Variants in GPHN observed in about 807,000 individuals in gnomAD.
The protein encoded by GPHN is gephyrin.
GPHN carries 17 observed loss-of-function variants against 95.5 expected under a neutral mutation model. The observed-to-expected ratio is 0.18, with a 90% confidence interval of 0.12 to 0.27. The LOEUF (loss-of-function observed/expected upper bound fraction) is 0.27, where lower values mean the gene tolerates loss of function less well. Ranked by LOEUF, GPHN falls within the 10% of genes least tolerant of loss-of-function variation. GPHN has a pLI of 1.00. For missense variants in GPHN, 660 were observed against 978.1 expected (o/e 0.67, Z 4.34); for synonymous variants, 320 against 322.5 (o/e 0.99, Z 0.08).
the GPHN span, among the ~76,000 whole-genome samples, chr14:67,645,144 G>A: frequency 1.7e-4 from 25 of 151,410 alleles, no homozygotes; most frequent in African/African-American, 5.1e-4. Flanking sequence ...TTGGTGAGTC[G>A]TTACCTATAG....
chr14:67,719,777 C>A, the GPHN span, among the ~76,000 whole-genome samples: 1 of 152,170 alleles, frequency 6.6e-6, no homozygotes, highest in Non-Finnish European at 1.5e-5. Flanking sequence ...AGTGCCCAAC[C>A]AAAATTTAAT....
chr14:67,318,784 G>A, the GPHN span, among the ~76,000 whole-genome samples: 1 of 152,148 alleles, frequency 6.6e-6, no homozygotes, highest in Non-Finnish European at 1.5e-5. Flanking sequence ...TAGGCCGGGC[G>A]CGGTGGGTCA....
chr14:67,370,105 C>T, the GPHN span, among the ~76,000 whole-genome samples: 7 of 152,402 alleles, frequency 4.6e-5, no homozygotes, highest in South Asian at 1.4e-3. Flanking sequence ...GGAACACGTC[C>T]TTAAGACACA....
intron 5 of GPHN, among the ~76,000 whole-genome samples, chr14:66,897,476 C>A (rs1413945211): frequency 1.3e-5 from 2 of 152,048 alleles, no homozygotes; most frequent in East Asian, 3.9e-4. Flanking sequence ...TATTGCCACA[C>A]CACCTCTCTG....
At chr14:67,651,024 A>T in the GPHN span, 3 of 1,195,128 alleles carry the variant, frequency 2.5e-6, no homozygotes, top group Admixed American at 2.0e-5. Context: ...TACTGCCTTA[A>T]TGAGAACATT....
chr14:67,652,376 A>G, the GPHN span: 6,466 of 174,358 alleles, frequency 0.037, 393 homozygotes, highest in African/African-American at 0.13. Context: ...AGTCAATCCC[A>G]TTTCTTGGGA....
intron 9 of GPHN, among the ~76,000 whole-genome samples, chr14:66,996,605 G>A (rs1222525141): frequency 1.3e-5 from 2 of 152,128 alleles, no homozygotes; most frequent in East Asian, 3.9e-4. Flanking sequence ...TCTGATAGCT[G>A]AAGATTTGTA....
At chr14:67,690,300 G>A in the GPHN span, 33 of 1,613,970 alleles carry the variant, frequency 2.0e-5, no homozygotes, top group East Asian at 3.3e-4. Context: ...AGAATTTCTC[G>A]CCCTGCAGGT....
At chr14:67,581,860 C>T in the GPHN span, 2 of 546,772 alleles carry the variant, frequency 3.7e-6, no homozygotes, top group Non-Finnish European at 3.3e-6. Context: ...ATGAACCATG[C>T]CCTCCTGTTG....
intron 3 of GPHN, among the ~76,000 whole-genome samples, chr14:66,808,424 T>A (rs2060634211): frequency 6.6e-6 from 1 of 152,236 alleles, no homozygotes; most frequent in Admixed American, 6.5e-5. Flanking sequence ...AAATATTTGT[T>A]AAGTGAATGA....
the GPHN span, among the ~76,000 whole-genome samples, chr14:67,224,259 C>CTTTTT: frequency 7.4e-6 from 1 of 134,798 alleles, no homozygotes; most frequent in African/African-American, 2.8e-5. Flanking sequence ...TCTCTCTTTT[C>CTTTTT]TTTTTTTTTT....
intron 18 of GPHN, among the ~76,000 whole-genome samples, chr14:67,151,798 C>T (rs2153711226): frequency 6.6e-6 from 1 of 152,284 alleles, no homozygotes; most frequent in South Asian, 2.1e-4. Context: ...CGCATGCCAT[C>T]ATGCCTGGCT....
intron 10 of GPHN, among the ~76,000 whole-genome samples, chr14:67,044,511 T>A (rs1469753420): frequency 6.6e-6 from 1 of 152,132 alleles, no homozygotes; most frequent in Non-Finnish European, 1.5e-5. Flanking sequence ...CCCCAGGACA[T>A]GTTAGCTGGT....
At chr14:66,916,605 T>A (rs1474549622) in intron 6 of GPHN, among the ~76,000 whole-genome samples, 3 of 151,442 alleles carry the variant, frequency 2.0e-5, no homozygotes, top group Admixed American at 6.6e-5. Flanking sequence ...ATTGATAGCA[T>A]TAGTCTCCAG....
intron 4 of GPHN, among the ~76,000 whole-genome samples, chr14:66,842,362 C>T (rs1032816394): frequency 6.6e-6 from 1 of 152,102 alleles, no homozygotes; most frequent in South Asian, 2.1e-4. Context: ...GAAACCCGAC[C>T]TACACAGGAA....
chr14:66,589,327 A>G (rs1340583849), intron 1 of GPHN, among the ~76,000 whole-genome samples: 1 of 152,184 alleles, frequency 6.6e-6, no homozygotes, highest in Non-Finnish European at 1.5e-5. Flanking sequence ...CGCATCAGCT[A>G]ATGGGCAAAA....
intron 17 of GPHN, among the ~76,000 whole-genome samples, chr14:67,135,836 A>C (rs1169949081): frequency 6.6e-6 from 1 of 151,824 alleles, no homozygotes; most frequent in Non-Finnish European, 1.5e-5. Flanking sequence ...GTAGTATGTC[A>C]GTCTCTTGCT....
intron 9 of GPHN, among the ~76,000 whole-genome samples, chr14:66,978,002 C>T (rs943548626): frequency 2.6e-5 from 4 of 152,118 alleles, no homozygotes; most frequent in African/African-American, 7.2e-5. Context: ...ACAAATTTTT[C>T]GGTATCCCAG....
chr14:66,821,924 A>G (rs2061208889), intron 3 of GPHN, among the ~76,000 whole-genome samples: 1 of 152,194 alleles, frequency 6.6e-6, no homozygotes, highest in Non-Finnish European at 1.5e-5. Context: ...GAAAAACTTT[A>G]GTAATATTAC....
Sources: allele counts gnomAD v4.1 joint callset (sites outside exome capture counted in the v4.1 genomes callset), GRCh38; gene constraint gnomAD v4.1.1; transcripts MANE v1.5; gene names NCBI Gene and HGNC (gene_info 2026-07-23, HGNC 2026-07-21).